PARD3: variants seen among roughly 807,000 people sequenced by gnomAD.
The protein encoded by PARD3 is partitioning defective 3 homolog.
PARD3 carries 75 observed loss-of-function variants against 155.4 expected under a neutral mutation model. The observed-to-expected ratio is 0.48, with a 90% CI of 0.40 to 0.58. PARD3 has a LOEUF of 0.58. Ranked by LOEUF, PARD3 falls within the 20% of genes least tolerant of loss-of-function variation. PARD3 has a pLI of 0.00. For synonymous variants in PARD3, 576 were observed against 610.5 expected, an observed-to-expected ratio of 0.94 and a Z score of 0.83; for missense variants, 1,642 against 1,721.7, an observed-to-expected ratio of 0.95 and a Z score of 0.82.
chr10:34,619,457 T>C (rs1045720558), intron 2 of PARD3, among the ~76,000 whole-genome samples: 9 of 152,236 alleles, frequency 5.9e-5, no homozygotes, highest in African/African-American at 2.2e-4. Flanking sequence ...ATGAAGTTTA[T>C]TGGCATTCAA....
intron 22 of PARD3, among the ~76,000 whole-genome samples, chr10:34,254,537 CGTGTGTGTGTGTGTGTGT>C (rs55901749): frequency 1.1e-4 from 16 of 145,604 alleles, no homozygotes; most frequent in Admixed American, 5.5e-4. Context: ...GGTAGGTAAA[CGTGTGTGTGTGTGTGTGT>C]GTGTGTGTGT....
At chr10:34,270,845 G>C (rs913252414) in intron 21 of PARD3, among the ~76,000 whole-genome samples, 1 of 152,094 alleles carries the variant, frequency 6.6e-6, no homozygotes, top group Non-Finnish European at 1.5e-5. Context: ...TTACAACTAA[G>C]AAACAAACCT....
chr10:34,390,418 T>C (rs1589406300), intron 7 of PARD3, among the ~76,000 whole-genome samples: 1 of 152,156 alleles, frequency 6.6e-6, no homozygotes, highest in Non-Finnish European at 1.5e-5. Context: ...AAAAGATAAA[T>C]TGAGTATAAA....
chr10:34,225,291 G>A (rs1952528807), intron 22 of PARD3, among the ~76,000 whole-genome samples: 1 of 151,918 alleles, frequency 6.6e-6, no homozygotes, highest in African/African-American at 2.4e-5. Flanking sequence ...AAATATCCAA[G>A]ATGGGTTCCA....
At chr10:34,468,762 CT>C (rs1564747251) in intron 4 of PARD3, among the ~76,000 whole-genome samples, 1 of 151,872 alleles carries the variant, frequency 6.6e-6, no homozygotes. Flanking sequence ...TTTCCATGTA[CT>C]TTTTTTGTCA....
At chr10:34,517,988 C>T (rs542371848) in intron 2 of PARD3, among the ~76,000 whole-genome samples, 6 of 152,290 alleles carry the variant, frequency 3.9e-5, no homozygotes, top group African/African-American at 1.4e-4. Context: ...AAGTGATTCT[C>T]CTGCCTCAGC....
chr10:34,757,038 T>G (rs1280092129), intron 1 of PARD3, among the ~76,000 whole-genome samples: 1 of 152,236 alleles, frequency 6.6e-6, no homozygotes. Context: ...TGAATATCTG[T>G]GAGGAAAAAT....
rs1216898578 is a variant in PARD3 at position 34,269,408 on chromosome 10, CA to C, written c.3419+248del. ...GAGTTATAAAGTAGAGGTTGGTTCT[CA>C]GGTATAAAACCATCTTCAGAACAAA... On this transcript the variant is annotated intron_variant, in intron 22 of 24. Transcript: ENST00000374788. Among the ~76,000 whole-genome samples, 3 of 152,272 alleles carry C rather than the reference CA, an allele frequency of 2.0e-5. No homozygotes were observed. The South Asian group carries it at 6.2e-4, about 32-fold the overall frequency.
At chr10:34,754,743 T>C (rs1188886572) in intron 1 of PARD3, among the ~76,000 whole-genome samples, 1 of 152,214 alleles carries the variant, frequency 6.6e-6, no homozygotes. Flanking sequence ...CTGCGTTGGA[T>C]TACAGACAAT....
intron 12 of PARD3, among the ~76,000 whole-genome samples, chr10:34,367,334 A>G (rs892217202): frequency 1.3e-5 from 2 of 152,244 alleles, no homozygotes; most frequent in African/African-American, 4.8e-5. Flanking sequence ...TTTATGATAT[A>G]AAGAACATTA....
Position 34,808,527 on chromosome 10 carries a change from G to C in PARD3, c.120+6349C>G, listed in dbSNP as rs1356338253. On this transcript the variant is annotated intron_variant, in intron 1 of 24. Coordinates refer to ENST00000374788, the MANE Select transcript of PARD3 (RefSeq NM_001184785.2). ...TTGGTCCCAGCCAGGAATGTTGAGC[G>C]AGTGGCCAAGCAGGATGAAAGCATG... 1.3e-4 allele frequency among the ~76,000 whole-genome samples: 20 copies of C among 152,168 alleles called. 1 individual carries two copies. Among genetic ancestry groups the C allele is most frequent in the Admixed American group, 1.3e-3 (20 of 15,276 alleles).
intron 7 of PARD3, among the ~76,000 whole-genome samples, chr10:34,393,639 C>T (rs1843047787): frequency 6.6e-6 from 1 of 151,764 alleles, no homozygotes; most frequent in Non-Finnish European, 1.5e-5. Context: ...ACCTGTAATC[C>T]CAGCACTATG....
chr10:34,211,295 C>T (rs561368250), intron 22 of PARD3, among the ~76,000 whole-genome samples: 1 of 152,292 alleles, frequency 6.6e-6, no homozygotes, highest in South Asian at 2.1e-4. Context: ...TGACCCCAAG[C>T]CCTGGTAGGC....
At chr10:34,786,330 T>A (rs1201214188) in intron 1 of PARD3, among the ~76,000 whole-genome samples, 3 of 152,216 alleles carry the variant, frequency 2.0e-5, no homozygotes, top group Non-Finnish European at 4.4e-5. Flanking sequence ...GTATTTTGTG[T>A]TCTGGCCAAA....
At chr10:34,724,977 A>G (rs1413405483) in intron 1 of PARD3, among the ~76,000 whole-genome samples, 1 of 152,354 alleles carries the variant, frequency 6.6e-6, no homozygotes, top group East Asian at 1.9e-4. Flanking sequence ...AGGAATTAAC[A>G]GTGAAGACTG....
At chr10:34,267,119 TA>T (rs1054193481) in intron 22 of PARD3, among the ~76,000 whole-genome samples, 28 of 96,466 alleles carry the variant, frequency 2.9e-4, no homozygotes, top group African/African-American at 1.2e-3. Flanking sequence ...ATATGTCAAC[TA>T]ATTTTTTTTT....
intron 22 of PARD3, among the ~76,000 whole-genome samples, chr10:34,253,873 T>C (rs1209182799): frequency 6.6e-6 from 1 of 152,070 alleles, no homozygotes; most frequent in Non-Finnish European, 1.5e-5. Context: ...AGTGGGACCT[T>C]AATAATGTGG....
chr10:34,796,068 G>A (rs1842218736), intron 1 of PARD3, among the ~76,000 whole-genome samples: 1 of 152,162 alleles, frequency 6.6e-6, no homozygotes, highest in African/African-American at 2.4e-5. Context: ...TCCAAACTGT[G>A]CCTCATCTGT....
intron 1 of PARD3, among the ~76,000 whole-genome samples, chr10:34,713,448 A>G (rs2094475086): frequency 6.6e-6 from 1 of 151,996 alleles, no homozygotes; most frequent in Admixed American, 6.6e-5. Flanking sequence ...AGGCAGTGCT[A>G]GATTCAAAGC....
Sources: allele counts gnomAD v4.1 joint callset (sites outside exome capture counted in the v4.1 genomes callset), GRCh38; gene constraint gnomAD v4.1.1; transcripts MANE v1.5; gene names NCBI Gene and HGNC (gene_info 2026-07-23, HGNC 2026-07-21).